The following CELF1 variants were observed in gnomAD, a reference collection of about 807,000 sequenced individuals.
CELF1 encodes CUGBP Elav-like family member 1, also known as 50 kDa nuclear polyadenylated RNA-binding protein.
In CELF1, 10 loss-of-function variants were observed where a neutral mutation model predicts 61.8. The observed-to-expected ratio is 0.16, with a 90% CI of 0.10 to 0.27. The LOEUF (loss-of-function observed/expected upper bound fraction) is 0.27, where lower values mean the gene tolerates loss of function less well. Ranked by LOEUF, CELF1 falls within the 10% of genes least tolerant of loss-of-function variation. The probability of loss-of-function intolerance (pLI) is 1.00; values close to 1 mark genes in which losing one functional copy is unlikely to be tolerated. For missense variants in CELF1, 380 were observed against 639.1 expected (o/e 0.59, Z 4.37); for synonymous variants, 236 against 225.1 (o/e 1.05, Z -0.43).
At chr11:47,536,190 A>C (rs1184561370) in intron 1 of CELF1, among the ~76,000 whole-genome samples, 2 of 151,540 alleles carry the variant, frequency 1.3e-5, no homozygotes, top group African/African-American at 4.8e-5. Flanking sequence ...CCAACATGGC[A>C]AAATCTCATC....
At chr11:47,544,423 G>A (rs1025246682) in intron 1 of CELF1, among the ~76,000 whole-genome samples, 2 of 152,134 alleles carry the variant, frequency 1.3e-5, no homozygotes, top group Admixed American at 6.6e-5. Flanking sequence ...TTAAAGACAG[G>A]AAAACAGGGC....
intron 1 of CELF1, among the ~76,000 whole-genome samples, chr11:47,535,264 C>G (rs1598240206): frequency 6.6e-6 from 1 of 151,606 alleles, no homozygotes; most frequent in Non-Finnish European, 1.5e-5. Context: ...TGTTGAAAAC[C>G]AAACTCAGAA....
At chr11:47,485,441 G>A (rs569335299) in intron 6 of CELF1, among the ~76,000 whole-genome samples, 309 of 152,324 alleles carry the variant, frequency 2.0e-3, no homozygotes, top group Non-Finnish European at 3.5e-3. Flanking sequence ...AAAGTGCTGT[G>A]ATTACAGGTG....
chr11:47,490,367 C>G (rs989795719), intron 3 of CELF1, among the ~76,000 whole-genome samples: 2 of 151,606 alleles, frequency 1.3e-5, no homozygotes, highest in Non-Finnish European at 2.9e-5. Context: ...TCTGCTTAAT[C>G]TAAAAATCAT....
chr11:47,512,070 G>T (rs965667635), intron 1 of CELF1, among the ~76,000 whole-genome samples: 1 of 152,124 alleles, frequency 6.6e-6, no homozygotes, highest in Admixed American at 6.5e-5. Flanking sequence ...AGCTGGTCTT[G>T]AACTCCTGAG....
chr11:47,484,284 C>G (rs1596385889), intron 7 of CELF1, 105 bp downstream of exon 7: 10 of 1,290,050 alleles, frequency 7.8e-6, no homozygotes, highest in Non-Finnish European at 9.7e-6. Flanking sequence ...CACTGCACTC[C>G]AGCCTGGGTG....
chr11:47,535,508 G>A (rs1346110227), intron 1 of CELF1, among the ~76,000 whole-genome samples: 4 of 151,636 alleles, frequency 2.6e-5, no homozygotes, highest in Middle Eastern at 3.4e-3. Flanking sequence ...GAGAAACTCC[G>A]TCTCTACTAA....
chr11:47,552,850 G>A (rs994884063), intron 1 of CELF1, 142 bp downstream of exon 1: 2 of 394,978 alleles, frequency 5.1e-6, no homozygotes, highest in African/African-American at 2.1e-5. Context: ...ACCCCAGGAC[G>A]CAGGGAACGA....
In CELF1 at chr11:47,510,301, C is replaced by A. The variant is rs188744988; in HGVS notation, c.-153-9369G>T. Among the ~76,000 whole-genome samples, 7 of 152,304 alleles carry A rather than the reference C, an allele frequency of 4.6e-5. 1 individual carries two copies. The East Asian group carries it at 1.3e-3, about 29-fold the overall frequency. On this transcript the variant is annotated intron_variant, in intron 1 of 14. Transcript: ENST00000687097. Reference sequence around the variant, plus strand: ...TCTTAGTGTTTTCTACTGGCCTATACAGCTTGTATGCTGAGTAAATGACAA... The same window carrying A: ...TCTTAGTGTTTTCTACTGGCCTATAAAGCTTGTATGCTGAGTAAATGACAA...
intron 1 of CELF1, chr11:47,524,475 A>G (rs1409469677): frequency 1.3e-5 from 2 of 152,142 alleles, no homozygotes; most frequent in African/African-American, 4.8e-5. Context: ...TCTACAATTT[A>G]CAATTGACAA....
chr11:47,532,934 G>T (rs555385531), intron 1 of CELF1, among the ~76,000 whole-genome samples: 1 of 152,212 alleles, frequency 6.6e-6, no homozygotes, highest in South Asian at 2.1e-4. Flanking sequence ...TTTTATTAAG[G>T]AGTTGTTAAT....
chr11:47,493,968 T>A (rs2153514274), intron 3 of CELF1, among the ~76,000 whole-genome samples: 1 of 152,340 alleles, frequency 6.6e-6, no homozygotes, highest in South Asian at 2.1e-4. Flanking sequence ...TACCACATCA[T>A]CCATTTACTC....
At chr11:47,535,156 C>G (rs1355662381) in intron 1 of CELF1, among the ~76,000 whole-genome samples, 1 of 152,066 alleles carries the variant, frequency 6.6e-6, no homozygotes, top group Non-Finnish European at 1.5e-5. Context: ...TACGCCTGAT[C>G]CATAATAGTT....
chr11:47,499,381 C>G (rs2093616267), intron 3 of CELF1, 72 bp downstream of exon 3: 2 of 1,231,824 alleles, frequency 1.6e-6, no homozygotes, highest in South Asian at 1.4e-5. Context: ...AAAAAGGAAC[C>G]AATTTCATCA....
intron 1 of CELF1, chr11:47,524,585 C>T (rs568777985): frequency 6.6e-6 from 1 of 152,262 alleles, no homozygotes; most frequent in Non-Finnish European, 1.5e-5. Context: ...GATGGATGCA[C>T]GTAAGAACAC....
intron 1 of CELF1, among the ~76,000 whole-genome samples, chr11:47,518,827 C>A (rs1291828001): frequency 6.6e-6 from 1 of 152,182 alleles, no homozygotes; most frequent in African/African-American, 2.4e-5. Context: ...TAACTTCTAT[C>A]ATCTCCAAAA....
intron 1 of CELF1, among the ~76,000 whole-genome samples, chr11:47,545,375 G>A: frequency 6.6e-6 from 1 of 152,140 alleles, no homozygotes; most frequent in South Asian, 2.1e-4. Flanking sequence ...AGGTTGCAGT[G>A]AGCCGAGATT....
intron 1 of CELF1, among the ~76,000 whole-genome samples, chr11:47,511,190 C>G (rs927330165): frequency 6.6e-6 from 1 of 151,848 alleles, no homozygotes; most frequent in Non-Finnish European, 1.5e-5. Flanking sequence ...TCTCAAAAAC[C>G]AAAACAAAAA....
chr11:47,511,030 A>C (rs2095106741), intron 1 of CELF1, among the ~76,000 whole-genome samples: 1 of 151,956 alleles, frequency 6.6e-6, no homozygotes, highest in Non-Finnish European at 1.5e-5. Flanking sequence ...CAAAAAGAAA[A>C]AAAAAAATTA....
Sources: allele counts gnomAD v4.1 joint callset (sites outside exome capture counted in the v4.1 genomes callset), GRCh38; gene constraint gnomAD v4.1.1; transcripts MANE v1.5; gene names NCBI Gene and HGNC (gene_info 2026-07-23, HGNC 2026-07-21).